The following SYBU variants were observed in gnomAD, a reference collection of about 807,000 sequenced individuals.
SYBU encodes the protein syntabulin, also known as GOLSYN A protein.
SYBU carries 21 observed loss-of-function variants against 35.9 expected under a neutral mutation model. That is an observed-to-expected ratio of 0.58 (90% CI 0.41 to 0.84). The LOEUF is 0.84. Among genes scored for constraint, SYBU ranks in the 40% least tolerant of loss-of-function variants. The probability of loss-of-function intolerance (pLI) is 0.00; values close to 1 mark genes in which losing one functional copy is unlikely to be tolerated. For synonymous variants in SYBU, 319 were observed against 324.3 expected (o/e 0.98, Z 0.18); for missense variants, 768 against 848.2 (o/e 0.91, Z 1.17).
At chr8:109,576,529 C>T (rs1433482688) in intron 6 of SYBU, among the ~76,000 whole-genome samples, 1 of 152,170 alleles carries the variant, frequency 6.6e-6, no homozygotes. Context: ...TTACCTAAGA[C>T]AGAAGGTAGA....
intron 2 of SYBU, among the ~76,000 whole-genome samples, chr8:109,619,313 T>C (rs1185910604): frequency 6.6e-6 from 1 of 151,728 alleles, no homozygotes; most frequent in Non-Finnish European, 1.5e-5. Context: ...AACCTCCACA[T>C]CCCAGGTTCA....
At chr8:109,588,884 G>A (rs1262948202) in intron 3 of SYBU, among the ~76,000 whole-genome samples, 2 of 152,190 alleles carry the variant, frequency 1.3e-5, no homozygotes, top group Non-Finnish European at 2.9e-5. Context: ...ACTCGGCTGG[G>A]CATGGTGGCT....
intron 1 of SYBU, among the ~76,000 whole-genome samples, chr8:109,675,949 G>C (rs1817173384): frequency 6.6e-6 from 1 of 152,216 alleles, no homozygotes; most frequent in Non-Finnish European, 1.5e-5. Flanking sequence ...CCATGATCAA[G>C]TTGGTTTCAT....
chr8:109,623,468 T>C (rs1812659277), intron 2 of SYBU, among the ~76,000 whole-genome samples: 1 of 152,202 alleles, frequency 6.6e-6, no homozygotes, highest in African/African-American at 2.4e-5. Flanking sequence ...TCTAAAGTAC[T>C]GTTAAAAATA....
At chr8:109,637,623 T>C (rs937178928) in intron 2 of SYBU, among the ~76,000 whole-genome samples, 9 of 152,148 alleles carry the variant, frequency 5.9e-5, no homozygotes, top group African/African-American at 1.9e-4. Flanking sequence ...CATTCAACTG[T>C]AGTATAATTT....
At chr8:109,662,379 C>T (rs1294099116) in intron 1 of SYBU, among the ~76,000 whole-genome samples, 1 of 152,170 alleles carries the variant, frequency 6.6e-6, no homozygotes, top group Admixed American at 6.6e-5. Flanking sequence ...ACCCTGGGGT[C>T]ATTTTTGATC....
intron 2 of SYBU, among the ~76,000 whole-genome samples, chr8:109,622,523 G>A (rs923978876): frequency 2.6e-5 from 4 of 152,140 alleles, no homozygotes; most frequent in Non-Finnish European, 5.9e-5. Flanking sequence ...ATGAGCCAGC[G>A]TGCCTGGCCA....
At position 109,579,971 on chromosome 8, in the gene SYBU, A is replaced by G. The variant is rs1822831642; in HGVS notation, c.562T>C (p.Ser188Pro). The change falls in exon 5 of 7, where the codon TCG becomes CCG. Residue 188 changes from serine (S) to proline (P), a missense_variant. Ser to Pro is a moderately conservative substitution (Grantham distance 74). Coordinates refer to ENST00000276646, the MANE Select transcript of SYBU (RefSeq NM_001099754.2). ...RGPHGRSNGA[S>P]SHKPGSSPSS... ...GGGCTGCTGCCAGGCTTGTGTGACG[A>G]AGCTCCATTACTCCGCCCATGAGGA... 2 of 1,613,130 alleles carry G rather than the reference A, an allele frequency of 1.2e-6. No homozygotes were observed. Among genetic ancestry groups the G allele is most frequent in the African/African-American group, 1.3e-5 (1 of 74,880 alleles).
rs1004986372 is a variant in SYBU at position 109,660,794 on chromosome 8, CT to C, written c.-129+19916del. On this transcript the variant is annotated intron_variant, in intron 1 of 5. Transcript: ENST00000408889. ...TGGGTATTTATTCTGACTCTGGTAC[CT>C]TTTTTTACTTATGACAAATAAAAAG... Among the ~76,000 whole-genome samples, 3 of 152,076 alleles carry C rather than the reference CT, an allele frequency of 2.0e-5. No individual in the cohort carries two copies. In the South Asian group the frequency reaches 6.2e-4, roughly 32 times the overall value.
At chr8:109,645,633 G>GTTTTTTTTTTT (rs77642059), upstream of SYBU, 184 of 230,788 alleles carry the variant, frequency 8.0e-4, 3 homozygotes, top group African/African-American at 4.3e-3. Flanking sequence ...TTCGTTTTTT[G>GTTTTTTTTTTT]TTTTTTTTTT....
intron 1 of SYBU, chr8:109,644,033 T>C: frequency 4.4e-6 from 2 of 453,930 alleles, no homozygotes; most frequent in Non-Finnish European, 8.9e-6. Flanking sequence ...TGACCTACTG[T>C]TCCTTCCACC....
Position 109,607,853 on chromosome 8 carries a change from C to CACACACAG in SYBU, c.427+10988_427+10989insCTGTGTGT, listed in dbSNP as rs1374565606. ...ACACACACACACACACACACACACACAGTCTAGCCTCTGTGATCCAATATA... is the reference window on the plus strand; with the variant it reads ...ACACACACACACACACACACACACACACACACAGAGTCTAGCCTCTGTGATCCAATATA... On this transcript the variant is annotated intron_variant, in intron 3 of 6. Transcript: ENST00000276646. The CACACACAG allele has an allele frequency of 9.7e-6, 9 of 923,864 alleles. No homozygotes were observed. In the African/African-American group the frequency reaches 1.2e-4, roughly 12 times the overall value. 57.2% of individuals were successfully genotyped at this position (923,864 alleles called of 1,614,324 possible).
intron 3 of SYBU, chr8:109,608,030 G>C (rs1826247957): frequency 7.2e-7 from 1 of 1,386,844 alleles, no homozygotes; most frequent in Non-Finnish European, 9.8e-7. Flanking sequence ...TCTCAGTAGA[G>C]TACAGTCTCA....
intron 3 of SYBU, among the ~76,000 whole-genome samples, chr8:109,605,367 A>G (rs1355710747): frequency 6.6e-6 from 1 of 152,190 alleles, no homozygotes; most frequent in Non-Finnish European, 1.5e-5. Flanking sequence ...ATCTGAAATT[A>G]TGTTTAGCTA....
upstream of SYBU, chr8:109,645,532 T>C (rs568115509): frequency 3.0e-5 from 10 of 338,118 alleles, no homozygotes; most frequent in South Asian, 2.3e-4. Flanking sequence ...GGAAGAGCAC[T>C]GGAATTGAAC....
rs536104404 is a variant in SYBU at position 109,630,210 on chromosome 8, G to A, written c.230-11171C>T. ...ACACCGCATATTCTCACTCATAGGT[G>A]GGAATTGAACAATGAGATCACATGG... is the stretch of plus-strand genomic sequence containing the variant. On this transcript the variant is annotated intron_variant, in intron 2 of 6. Transcript: ENST00000276646. Among the ~76,000 whole-genome samples, 163 of 146,230 alleles carry A rather than the reference G, an allele frequency of 1.1e-3. 1 individual carries two copies. The highest frequency in any genetic ancestry group is 2.4e-3 in the Admixed American group (35 of 14,336).
At chr8:109,687,877 A>T (rs13253416) in intron 1 of SYBU, among the ~76,000 whole-genome samples, 1 of 152,194 alleles carries the variant, frequency 6.6e-6, no homozygotes, top group Admixed American at 6.5e-5. Flanking sequence ...CTTCCCAATA[A>T]TTAAATGGAC....
Position 109,574,565 on chromosome 8 carries a change from G to T in SYBU, c.*341C>A, listed in dbSNP as rs1821994842. On this transcript the variant is annotated 3_prime_UTR_variant, in exon 7 of 7. Coordinates refer to ENST00000276646, the MANE Select transcript of SYBU (RefSeq NM_001099754.2). ...TTAAAACGGCAAAAAGCAAAGCAAG[G>T]AGATAACATGCCAGCCTTAGAGAAG... 1 of 218,914 alleles carries T rather than the reference G, an allele frequency of 4.6e-6. No individual in the cohort carries two copies. Among genetic ancestry groups the T allele is most frequent in the Admixed American group, 5.6e-5 (1 of 17,772 alleles). The allele number at this position is 218,914 out of a possible 1,614,324, so 13.6% of individuals were successfully genotyped here. A position where few individuals can be genotyped will look rare whatever the true frequency, so the allele number is the denominator to read the frequency against.
intron 1 of SYBU, among the ~76,000 whole-genome samples, chr8:109,667,864 A>T (rs1353156446): frequency 2.0e-5 from 3 of 152,128 alleles, no homozygotes; most frequent in Admixed American, 6.5e-5. Context: ...CATGTGAAAA[A>T]TTTGAACAGT....
Sources: allele counts gnomAD v4.1 joint callset (sites outside exome capture counted in the v4.1 genomes callset), GRCh38; gene constraint gnomAD v4.1.1; transcripts MANE v1.5; gene names NCBI Gene and HGNC (gene_info 2026-07-23, HGNC 2026-07-21).